The following SLCO1A2 variants were observed in gnomAD, a reference collection of about 807,000 sequenced individuals.
The protein encoded by SLCO1A2 is solute carrier organic anion transporter family member 1A2.
SLCO1A2 carries 67 observed loss-of-function variants against 69.0 expected under a neutral mutation model. The ratio of observed to expected loss-of-function variants is 0.97; its 90% CI spans 0.80 to 1.19. The LOEUF (loss-of-function observed/expected upper bound fraction) is 1.19, where lower values mean the gene tolerates loss of function less well. SLCO1A2 is among the 50% of genes most tolerant of loss of function. SLCO1A2 has a pLI of 0.00. For missense variants in SLCO1A2, 787 were observed against 793.7 expected, an observed-to-expected ratio of 0.99 and a Z score of 0.10; for synonymous variants, 260 against 265.9, an observed-to-expected ratio of 0.98 and a Z score of 0.22.
intron 1 of SLCO1A2, among the ~76,000 whole-genome samples, chr12:21,392,587 C>G (rs1329517119): frequency 6.6e-6 from 1 of 152,172 alleles, no homozygotes; most frequent in East Asian, 1.9e-4. Context: ...GCACAACTCT[C>G]TCTACAGAAA....
At chr12:21,419,489 C>T (rs1014377234), upstream of SLCO1A2, 1 of 153,334 alleles carries the variant, frequency 6.5e-6, no homozygotes, top group African/African-American at 2.4e-5. Flanking sequence ...GTCACTCCCA[C>T]CCGAATACCC....
At chr12:21,296,630 C>G (rs1947753875) in intron 9 of SLCO1A2, among the ~76,000 whole-genome samples, 1 of 152,146 alleles carries the variant, frequency 6.6e-6, no homozygotes, top group Non-Finnish European at 1.5e-5. Context: ...CTCTTCCTCT[C>G]TGAACCCTTC....
intron 1 of SLCO1A2, among the ~76,000 whole-genome samples, chr12:21,406,131 T>C (rs944311891): frequency 3.3e-5 from 5 of 152,220 alleles, no homozygotes; most frequent in Non-Finnish European, 7.3e-5. Context: ...TTTCTTTTGC[T>C]AGGTTGAATG....
chr12:21,318,808 C>A lies in SLCO1A2; in HGVS notation c.176G>T (p.Gly59Val), dbSNP rs1198323898. The change falls in exon 3 of 15, where the codon GGA becomes GTA. Residue 59 changes from glycine to valine, a missense_variant. Gly to Val is a moderately radical substitution (Grantham distance 109). Transcript: ENST00000683939. The stretch of plus-strand genomic sequence containing the variant: ...AATCTCAAAGCTTCCATTAATGAAT[C>A]CAACTAGAGATGTTGGGATGTTGAA... ...RQFNIPTSLV[G>V]FINGSFEIGN... The A allele has an allele frequency of 9.4e-6, 15 of 1,602,456 alleles. No homozygotes were observed. The South Asian group carries it at 1.7e-4, about 18-fold the overall frequency.
intron 12 of SLCO1A2, among the ~76,000 whole-genome samples, chr12:21,286,160 G>T: frequency 2.8e-5 from 4 of 144,066 alleles, no homozygotes; most frequent in African/African-American, 1.0e-4. Context: ...CTTCAGCAAA[G>T]TCTCAGGATA....
At chr12:21,307,359 T>A (rs1242148608) in intron 4 of SLCO1A2, among the ~76,000 whole-genome samples, 1 of 152,156 alleles carries the variant, frequency 6.6e-6, no homozygotes, top group African/African-American at 2.4e-5. Flanking sequence ...AGATAAATGC[T>A]TTGGAAGGAA....
At chr12:21,320,955 C>T (rs1229166356) in intron 2 of SLCO1A2, among the ~76,000 whole-genome samples, 2 of 152,174 alleles carry the variant, frequency 1.3e-5, no homozygotes, top group African/African-American at 4.8e-5. Flanking sequence ...CTAGCTACCA[C>T]AAAGCTGTTT....
At chr12:21,295,951 C>A (rs1430531095) in intron 9 of SLCO1A2, among the ~76,000 whole-genome samples, 159 bp from the exon 10 acceptor site, 2 of 152,148 alleles carry the variant, frequency 1.3e-5, no homozygotes, top group Non-Finnish European at 2.9e-5. Context: ...ACACATTACC[C>A]ACAGGGAGAT....
intron 2 of SLCO1A2, among the ~76,000 whole-genome samples, chr12:21,366,995 G>C (rs1939438307): frequency 1.3e-5 from 2 of 151,896 alleles, no homozygotes; most frequent in East Asian, 1.9e-4. Flanking sequence ...TATATTAAAA[G>C]ATACACTGAG....
At chr12:21,392,136 C>G (rs897512705) in intron 1 of SLCO1A2, among the ~76,000 whole-genome samples, 1 of 152,200 alleles carries the variant, frequency 6.6e-6, no homozygotes, top group African/African-American at 2.4e-5. Context: ...GGTCTGACAT[C>G]TGCAGTATCT....
exon 1 of SLCO1A2, chr12:21,395,115 G>T (rs982952011): frequency 1.3e-5 from 2 of 157,088 alleles, no homozygotes; most frequent in African/African-American, 4.8e-5. Context: ...GAGGTACCGG[G>T]TTCATCTCAC....
intron 4 of SLCO1A2, among the ~76,000 whole-genome samples, chr12:21,308,430 A>G (rs1400204295): frequency 6.6e-6 from 1 of 152,224 alleles, no homozygotes; most frequent in Non-Finnish European, 1.5e-5. Flanking sequence ...CAAGATACTT[A>G]AATGCAAAAG....
chr12:21,296,835 T>A (rs1947785030), intron 9 of SLCO1A2, among the ~76,000 whole-genome samples: 1 of 152,108 alleles, frequency 6.6e-6, no homozygotes, highest in Non-Finnish European at 1.5e-5. Flanking sequence ...CACAAGCACT[T>A]TAGGTAGTGT....
chr12:21,377,715 G>A (rs944503981), intron 1 of SLCO1A2, among the ~76,000 whole-genome samples: 8 of 152,064 alleles, frequency 5.3e-5, no homozygotes, highest in Non-Finnish European at 7.4e-5. Flanking sequence ...AGGTTCATCC[G>A]TGTGTTGCAT....
chr12:21,276,003 A>G (rs1413434800), intron 12 of SLCO1A2, among the ~76,000 whole-genome samples: 4 of 152,194 alleles, frequency 2.6e-5, no homozygotes, highest in Non-Finnish European at 5.9e-5. Flanking sequence ...TGCAGTAAGA[A>G]TAACAATAAA....
intron 1 of SLCO1A2, among the ~76,000 whole-genome samples, chr12:21,412,266 T>C (rs1029064728): frequency 2.0e-5 from 3 of 151,712 alleles, no homozygotes; most frequent in African/African-American, 4.8e-5. Context: ...CTGTAGTCCC[T>C]GCTACTTGGG....
intron 2 of SLCO1A2, among the ~76,000 whole-genome samples, chr12:21,374,144 C>T (rs972026032): frequency 3.9e-5 from 6 of 152,064 alleles, no homozygotes; most frequent in Admixed American, 1.3e-4. Flanking sequence ...AGTCTTATTA[C>T]GAAAGGTTTC....
chr12:21,267,585 C>G lies in SLCO1A2; in HGVS notation c.*1963G>C, dbSNP rs1942215692. On this transcript the variant is annotated 3_prime_UTR_variant, in exon 15 of 15. Coordinates refer to ENST00000683939, the MANE Select transcript of SLCO1A2 (RefSeq NM_001386879.1). The stretch of plus-strand genomic sequence containing the variant: ...ATAGCCACAGAATTCCAAACTATCT[C>G]TCATTCCCCTTCTTCTAATTTCCAT... 6.6e-6 allele frequency: 1 copy of G among 152,148 alleles called. No homozygotes were observed. Among genetic ancestry groups the G allele is most frequent in the Non-Finnish European group, 1.5e-5 (1 of 68,054 alleles). The allele number at this position is 152,148 out of a possible 1,614,324, so 9.4% of individuals were successfully genotyped here.
chr12:21,336,977 A>G (rs1952912084), upstream of SLCO1A2, among the ~76,000 whole-genome samples: 2 of 152,062 alleles, frequency 1.3e-5, no homozygotes, highest in South Asian at 4.1e-4. Context: ...GGAACAGGTA[A>G]TGCTTCAGTA....
Sources: allele counts gnomAD v4.1 joint callset (sites outside exome capture counted in the v4.1 genomes callset), GRCh38; gene constraint gnomAD v4.1.1; transcripts MANE v1.5; gene names NCBI Gene and HGNC (gene_info 2026-07-23, HGNC 2026-07-21).